The following COL25A1 variants were observed in gnomAD, a reference collection of about 807,000 sequenced individuals.
The protein encoded by COL25A1 is collagen alpha-1(XXV) chain.
A neutral mutation model predicts 128.4 loss-of-function variants in COL25A1; 103 were observed. That is an observed-to-expected ratio of 0.80 (90% CI 0.68 to 0.94). The LOEUF is 0.94. COL25A1 is among the 40% of genes least tolerant of loss of function. The pLI, the probability that COL25A1 is intolerant of heterozygous loss-of-function variation, is 0.00. For synonymous variants in COL25A1, 279 were observed against 277.2 expected (o/e 1.01, Z -0.06); for missense variants, 745 against 840.0 (o/e 0.89, Z 1.40).
intron 3 of COL25A1, among the ~76,000 whole-genome samples, chr4:109,100,461 T>C (rs1302758972): frequency 8.6e-5 from 13 of 151,330 alleles, no homozygotes; most frequent in African/African-American, 2.9e-4. Context: ...GAGTTAATAG[T>C]AGGTAGGTCT....
chr4:108,987,323 T>C (rs1360035783), intron 6 of COL25A1, among the ~76,000 whole-genome samples: 1 of 152,220 alleles, frequency 6.6e-6, no homozygotes, highest in Non-Finnish European at 1.5e-5. Flanking sequence ...TGAATAAACA[T>C]TATCAATTGT....
intron 3 of COL25A1, among the ~76,000 whole-genome samples, chr4:109,241,674 C>T (rs919008689): frequency 2.6e-5 from 4 of 151,590 alleles, no homozygotes; most frequent in African/African-American, 9.7e-5. Flanking sequence ...AGGTGGACAC[C>T]ACCAGTTTTC....
intron 3 of COL25A1, among the ~76,000 whole-genome samples, chr4:109,279,558 A>G (rs1229319434): frequency 6.6e-6 from 1 of 152,212 alleles, no homozygotes; most frequent in Non-Finnish European, 1.5e-5. Context: ...CTTGGGCGAC[A>G]CAGCAAGACC....
rs757440468 is a variant in COL25A1, at chr4:108,884,184, C to T, written c.1014G>A (p.Gly338=). 3.7e-6 allele frequency: 6 copies of T among 1,613,742 alleles called. 1 individual carries two copies. In the South Asian group the frequency reaches 6.6e-5, roughly 18 times the overall value. The change falls in exon 19 of 38, where the codon GGG becomes GGA. Residue 338 remains glycine (G), a synonymous_variant. Coordinates refer to ENST00000399132, the MANE Select transcript of COL25A1 (RefSeq NM_198721.4). Reference sequence around the variant, plus strand: ...CTGTCCGTGCAGTATTTACCTTTATCCCCGGAAGTCCAGGAAGCCCAGGAA... The same window carrying T: ...CTGTCCGTGCAGTATTTACCTTTATTCCCGGAAGTCCAGGAAGCCCAGGAA... ...PGLPGLPGLP[G]IKGEPGFIGP... is the part of the protein sequence containing the mutation.
At chr4:109,050,026 C>A in intron 4 of COL25A1, 109 bp downstream of exon 4, 1 of 772,188 alleles carries the variant, frequency 1.3e-6, no homozygotes, top group Non-Finnish European at 2.1e-6. Flanking sequence ...AAGATTTAAA[C>A]ACACACATAT....
chr4:109,178,136 A>T lies in COL25A1; in HGVS notation c.367+122447T>A, dbSNP rs7699204. On this transcript the variant is annotated intron_variant, in intron 3 of 37. Coordinates refer to ENST00000399132, the MANE Select transcript of COL25A1 (RefSeq NM_198721.4). ...ATAAGTTTCTTTTTCCTTTTCTGGC[A>T]GTTTATGGCCCCTCCTATATACATC... Among the ~76,000 whole-genome samples, 555 of 152,296 alleles carry T rather than the reference A, an allele frequency of 3.6e-3. 3 individuals are homozygous for T. The highest frequency in any genetic ancestry group is 0.013 in the African/African-American group (527 of 41,564).
chr4:109,297,225 G>A (rs1477503378), intron 3 of COL25A1, among the ~76,000 whole-genome samples: 1 of 152,062 alleles, frequency 6.6e-6, no homozygotes, highest in East Asian at 1.9e-4. Flanking sequence ...GTGACAAGAT[G>A]ATCTAAAACT....
rs189676368 is a variant in COL25A1, at chr4:109,021,764, T to C, written c.421-11389A>G. 1.1e-5 allele frequency: 5 copies of C among 453,516 alleles called. No homozygotes were observed. The East Asian group carries it at 2.1e-4, about 19-fold the overall frequency. 28.1% of individuals were successfully genotyped at this position (453,516 alleles called of 1,614,324 possible). ...TAATATTAAGACCCTAGGAAAAGAA[T>C]TGCATTCCTGGGGGCAGGTCTATAA... On this transcript the variant is annotated intron_variant, in intron 5 of 37. Coordinates refer to ENST00000399132, the MANE Select transcript of COL25A1 (RefSeq NM_198721.4).
chr4:108,965,240 T>C (rs2125976788), intron 8 of COL25A1, among the ~76,000 whole-genome samples: 1 of 152,320 alleles, frequency 6.6e-6, no homozygotes, highest in African/African-American at 2.4e-5. Flanking sequence ...AGGAATTTTA[T>C]GAAAATGTGA....
At chr4:108,945,691 G>C (rs1406332377) in intron 8 of COL25A1, among the ~76,000 whole-genome samples, 1 of 152,078 alleles carries the variant, frequency 6.6e-6, no homozygotes, top group African/African-American at 2.4e-5. Context: ...TTGAGATGGA[G>C]TCTGGCTCTT....
rs201592230 is a variant in COL25A1, at chr4:108,858,474, G to T, written c.1320+1182C>A. On this transcript the variant is annotated intron_variant, in intron 24 of 37. Coordinates refer to ENST00000399132, the MANE Select transcript of COL25A1 (RefSeq NM_198721.4). The stretch of plus-strand genomic sequence containing the variant: ...AAAGGACTAAGAATAGTTTAAAAAT[G>T]ACTCTAAACTTTCTATTCCCTCAAA... 5.9e-5 allele frequency among the ~76,000 whole-genome samples: 9 copies of T among 152,258 alleles called. No homozygotes were observed. The East Asian group carries it at 1.7e-3, about 29-fold the overall frequency.
chr4:108,905,849 T>TGGGGGGGGGGGGGG (rs1553964863), intron 13 of COL25A1, among the ~76,000 whole-genome samples: 1 of 97,542 alleles, frequency 1.0e-5, no homozygotes, highest in African/African-American at 4.7e-5. Context: ...GAGCAGTATG[T>TGGGGGGGGGGGGGG]CGGGGGGGGG....
chr4:108,875,281 A>G (rs1739305565), intron 19 of COL25A1, among the ~76,000 whole-genome samples: 1 of 152,250 alleles, frequency 6.6e-6, no homozygotes, highest in Non-Finnish European at 1.5e-5. Context: ...GGCAACCTAC[A>G]GAATGGGAGA....
chr4:108,825,089 GC>G (rs1314614072), intron 34 of COL25A1, 106 bp downstream of exon 34: 9 of 830,746 alleles, frequency 1.1e-5, no homozygotes, highest in Non-Finnish European at 1.8e-5. Flanking sequence ...TATGTTCTAT[GC>G]ATACCTATAT....
At chr4:108,826,748 T>A (rs1732437687) in intron 33 of COL25A1, among the ~76,000 whole-genome samples, 1 of 152,186 alleles carries the variant, frequency 6.6e-6, no homozygotes, top group South Asian at 2.1e-4. Context: ...TGAAGAAGGC[T>A]GTTTTCAGTG....
intron 3 of COL25A1, among the ~76,000 whole-genome samples, chr4:109,114,684 ATT>A (rs1767357353): frequency 6.6e-6 from 1 of 152,094 alleles, no homozygotes; most frequent in African/African-American, 2.4e-5. Context: ...CGGGAATTTC[ATT>A]TTTGGCAGGT....
chr4:109,285,567 A>T (rs1013698998), intron 3 of COL25A1, among the ~76,000 whole-genome samples: 1 of 152,202 alleles, frequency 6.6e-6, no homozygotes, highest in South Asian at 2.1e-4. Flanking sequence ...CAATTCACAC[A>T]ATCTAAAAAA....
intron 3 of COL25A1, among the ~76,000 whole-genome samples, chr4:109,118,790 A>T (rs1171576333): frequency 1.3e-5 from 2 of 152,030 alleles, no homozygotes; most frequent in Admixed American, 6.6e-5. Context: ...TTGGACACTT[A>T]CACCCCTCTG....
Position 108,813,824 on chromosome 4 carries a change from T to C in COL25A1, c.*103A>G. The C allele has an allele frequency of 1.1e-6, 1 of 898,844 alleles. No individual in the cohort carries two copies. The highest frequency in any genetic ancestry group is 1.8e-6 in the Non-Finnish European group (1 of 557,072). 55.7% of individuals were successfully genotyped at this position (898,844 alleles called of 1,614,324 possible). ...GCCAGCAGGAAGAAGCAGCCCTATG[T>C]AAACATATCTCAGACTTGTAAAATC... On this transcript the variant is annotated 3_prime_UTR_variant, in exon 38 of 38. Coordinates refer to ENST00000399132, the MANE Select transcript of COL25A1 (RefSeq NM_198721.4).
Sources: gnomAD v4.1 joint callset for allele counts (sites outside exome capture counted in the v4.1 genomes callset) on GRCh38, gnomAD v4.1.1 for gene constraint, MANE v1.5 for transcripts, NCBI Gene and HGNC (gene_info 2026-07-23, HGNC 2026-07-21) for gene names.